The following PABPC4L variants were observed in gnomAD, a reference collection of about 807,000 sequenced individuals.
PABPC4L encodes polyadenylate-binding protein 4-like.
For synonymous variants in PABPC4L, 169 were observed against 164.1 expected (o/e 1.03, Z -0.23); for missense variants, 452 against 451.4 (o/e 1.00, Z -0.01).
At chr4:134,098,937 GC>G in the PABPC4L span, among the ~76,000 whole-genome samples, 2 of 151,632 alleles carry the variant, frequency 1.3e-5, no homozygotes, top group Admixed American at 1.3e-4. Flanking sequence ...AGTACGTGGA[GC>G]TTTTTGATAA....
At chr4:134,019,015 G>C in the PABPC4L span, among the ~76,000 whole-genome samples, 1 of 152,120 alleles carries the variant, frequency 6.6e-6, no homozygotes. Flanking sequence ...ATAAAGGAAT[G>C]TGATCACTTG....
the PABPC4L span, among the ~76,000 whole-genome samples, chr4:133,981,839 T>C: frequency 6.6e-6 from 1 of 152,024 alleles, no homozygotes; most frequent in Non-Finnish European, 1.5e-5. Flanking sequence ...ACTAACACCA[T>C]CAGCTTTTTG....
At chr4:134,172,683 G>C in the PABPC4L span, among the ~76,000 whole-genome samples, 1 of 151,866 alleles carries the variant, frequency 6.6e-6, no homozygotes, top group Admixed American at 6.6e-5. Context: ...AAGCTAAAAA[G>C]CTTCTGCACA....
At chr4:134,161,249 A>C in the PABPC4L span, among the ~76,000 whole-genome samples, 355 of 150,836 alleles carry the variant, frequency 2.4e-3, 2 homozygotes, top group East Asian at 3.9e-4. Context: ...TCAGAGAAGA[A>C]AAAAAAAAGA....
the PABPC4L span, among the ~76,000 whole-genome samples, chr4:133,948,762 A>G: frequency 3.9e-5 from 6 of 152,204 alleles, no homozygotes; most frequent in Admixed American, 1.3e-4. Context: ...CATGCATAAC[A>G]GTCGCTTTTG....
the PABPC4L span, among the ~76,000 whole-genome samples, chr4:134,153,081 G>C: frequency 1.3e-5 from 2 of 152,120 alleles, no homozygotes; most frequent in Non-Finnish European, 2.9e-5. Context: ...TTTCCATGAG[G>C]CTCCACCTCT....
At chr4:133,988,973 C>T in the PABPC4L span, among the ~76,000 whole-genome samples, 2 of 152,160 alleles carry the variant, frequency 1.3e-5, no homozygotes, top group Non-Finnish European at 2.9e-5. Context: ...ATGGAGCTTG[C>T]ACCCTCTGAA....
At chr4:134,144,025 C>T in the PABPC4L span, among the ~76,000 whole-genome samples, 1 of 151,546 alleles carries the variant, frequency 6.6e-6, no homozygotes. Flanking sequence ...ATGCCTTAAT[C>T]CCTTAAGGTA....
chr4:134,130,638 A>G, the PABPC4L span, among the ~76,000 whole-genome samples: 1 of 152,138 alleles, frequency 6.6e-6, no homozygotes, highest in African/African-American at 2.4e-5. Flanking sequence ...ACACTATTAC[A>G]AAACATAGAG....
At chr4:134,165,879 A>G in the PABPC4L span, among the ~76,000 whole-genome samples, 1 of 152,194 alleles carries the variant, frequency 6.6e-6, no homozygotes, top group Non-Finnish European at 1.5e-5. Context: ...AGTGACCAAC[A>G]TAAGTGCCCA....
chr4:134,028,648 C>T, the PABPC4L span, among the ~76,000 whole-genome samples: 2 of 152,076 alleles, frequency 1.3e-5, no homozygotes, highest in East Asian at 1.9e-4. Context: ...TGTGCTTCCT[C>T]CCATGATAAA....
chr4:134,024,154 C>G, the PABPC4L span, among the ~76,000 whole-genome samples: 7 of 152,084 alleles, frequency 4.6e-5, no homozygotes, highest in African/African-American at 1.7e-4. Flanking sequence ...TCTCCAGGTG[C>G]ATTTTTCAAA....
chr4:134,194,062 T>C (rs1414606505), downstream of PABPC4L, among the ~76,000 whole-genome samples: 1 of 151,894 alleles, frequency 6.6e-6, no homozygotes, highest in Non-Finnish European at 1.5e-5. Flanking sequence ...TAGGTAATTA[T>C]GTGTAATAAG....
At chr4:134,029,197 G>T in the PABPC4L span, among the ~76,000 whole-genome samples, 3 of 151,978 alleles carry the variant, frequency 2.0e-5, no homozygotes, top group Non-Finnish European at 4.4e-5. Context: ...AATCAAAGTG[G>T]CCATCTGCTA....
chr4:134,010,951 G>T, the PABPC4L span, among the ~76,000 whole-genome samples: 1 of 152,058 alleles, frequency 6.6e-6, no homozygotes, highest in Non-Finnish European at 1.5e-5. Context: ...CAAGTTTGAA[G>T]AATAGAATAT....
the PABPC4L span, among the ~76,000 whole-genome samples, chr4:134,069,579 T>C: frequency 1.3e-5 from 2 of 152,184 alleles, no homozygotes; most frequent in African/African-American, 2.4e-5. Flanking sequence ...CTTTAAGCTC[T>C]GAGATTCTTT....
chr4:134,035,928 G>A, the PABPC4L span, among the ~76,000 whole-genome samples: 1 of 151,486 alleles, frequency 6.6e-6, no homozygotes, highest in East Asian at 1.9e-4. Flanking sequence ...GCCTTATAAA[G>A]AGTCCCTTAT....
chr4:134,084,527 C>T, the PABPC4L span, among the ~76,000 whole-genome samples: 1 of 151,270 alleles, frequency 6.6e-6, no homozygotes, highest in South Asian at 2.1e-4. Context: ...TAGAAAATAC[C>T]AAATTATCTT....
At chr4:134,089,695 T>G in the PABPC4L span, among the ~76,000 whole-genome samples, 1 of 152,066 alleles carries the variant, frequency 6.6e-6, no homozygotes, top group Non-Finnish European at 1.5e-5. Flanking sequence ...CAAACTTGAA[T>G]TGAAAATACA....
Sources: allele counts gnomAD v4.1 joint callset (sites outside exome capture counted in the v4.1 genomes callset), GRCh38; gene constraint gnomAD v4.1.1; transcripts MANE v1.5; gene names NCBI Gene and HGNC (gene_info 2026-07-23, HGNC 2026-07-21).